Variants in CNTNAP2 observed in about 807,000 individuals in gnomAD.
CNTNAP2 encodes contactin-associated protein-like 2.
CNTNAP2 carries 98 observed loss-of-function variants against 155.2 expected under a neutral mutation model. The ratio of observed to expected loss-of-function variants is 0.63; its 90% CI spans 0.54 to 0.75. CNTNAP2 has a LOEUF of 0.75. Among genes scored for constraint, CNTNAP2 ranks in the 30% least tolerant of loss-of-function variants. CNTNAP2 has a pLI of 0.00. For missense variants in CNTNAP2, 1,727 were observed against 1,688.1 expected (o/e 1.02, Z -0.40); for synonymous variants, 651 against 631.2 (o/e 1.03, Z -0.47).
At chr7:148,174,769 C>G (rs910340751) in intron 18 of CNTNAP2, among the ~76,000 whole-genome samples, 1 of 152,058 alleles carries the variant, frequency 6.6e-6, no homozygotes, top group African/African-American at 2.4e-5. Context: ...GCTTTAAGTT[C>G]TGCGATACAT....
chr7:146,328,668 T>C (rs1395623998), intron 1 of CNTNAP2, among the ~76,000 whole-genome samples: 1 of 152,164 alleles, frequency 6.6e-6, no homozygotes, highest in African/African-American at 2.4e-5. Flanking sequence ...AAGTTTGTAC[T>C]CTTTGACCAG....
At chr7:147,116,502 G>A (rs564776973) in intron 5 of CNTNAP2, among the ~76,000 whole-genome samples, 11 of 152,298 alleles carry the variant, frequency 7.2e-5, no homozygotes, top group Non-Finnish European at 1.2e-4. Flanking sequence ...GGCAGGGGTG[G>A]CCAGAGGCCC....
At chr7:146,718,755 C>T (rs1241551804) in intron 1 of CNTNAP2, among the ~76,000 whole-genome samples, 1 of 152,084 alleles carries the variant, frequency 6.6e-6, no homozygotes, top group Admixed American at 6.6e-5. Flanking sequence ...CCTCTCCCAT[C>T]ACCAAGAAAT....
chr7:147,664,799 A>G (rs1462616309), intron 13 of CNTNAP2, among the ~76,000 whole-genome samples: 2 of 152,122 alleles, frequency 1.3e-5, no homozygotes, highest in East Asian at 3.9e-4. Flanking sequence ...TCCTCTTGCT[A>G]CGTGGCTAGA....
At chr7:146,388,445 ATAT>A (rs1430672467) in intron 1 of CNTNAP2, among the ~76,000 whole-genome samples, 1 of 151,946 alleles carries the variant, frequency 6.6e-6, no homozygotes, top group Non-Finnish European at 1.5e-5. Context: ...TAAAAAAATA[ATAT>A]TTGTGGGTAT....
intron 1 of CNTNAP2, among the ~76,000 whole-genome samples, chr7:146,203,357 C>T (rs967724136): frequency 3.3e-5 from 5 of 152,160 alleles, no homozygotes; most frequent in Non-Finnish European, 7.3e-5. Context: ...CCTTTGGGTT[C>T]AGTTAATTTA....
At chr7:148,371,904 T>C (rs1212966838) in intron 21 of CNTNAP2, among the ~76,000 whole-genome samples, 2 of 151,752 alleles carry the variant, frequency 1.3e-5, no homozygotes, top group African/African-American at 4.8e-5. Flanking sequence ...AAATATGATA[T>C]AAAAGATAAA....
At chr7:147,959,507 G>A (rs1161894720) in intron 14 of CNTNAP2, among the ~76,000 whole-genome samples, 11 of 152,156 alleles carry the variant, frequency 7.2e-5, no homozygotes, top group East Asian at 3.9e-4. Flanking sequence ...GGAAGTGGCC[G>A]TGTTACAGTT....
In CNTNAP2 at chr7:148,230,213, C is replaced by T. The variant is rs1357849125; in HGVS notation, c.3381+434C>T. Among the ~76,000 whole-genome samples the T allele has an allele frequency of 5.3e-5, 8 of 152,210 alleles. No homozygotes were observed. In the East Asian group the frequency reaches 1.2e-3, roughly 22 times the overall value. On this transcript the variant is annotated intron_variant, in intron 20 of 23. Transcript: ENST00000361727. Reference sequence around the variant, plus strand: ...AAGAGCTGTATTTTTCTCTCTCTCTCTGCAGAGCCTTTGTCTTAAAAATCC... The same window carrying T: ...AAGAGCTGTATTTTTCTCTCTCTCTTTGCAGAGCCTTTGTCTTAAAAATCC...
intron 9 of CNTNAP2, among the ~76,000 whole-genome samples, chr7:147,366,777 GCACGCACACA>G (rs1218180866): frequency 4.9e-4 from 28 of 56,926 alleles, no homozygotes; most frequent in Non-Finnish European, 5.2e-4. Context: ...CGAATTTGTT[GCACGCACACA>G]CACACACACA....
At chr7:148,413,401 A>AAAAAAAATATAC (rs1442990213) in intron 23 of CNTNAP2, among the ~76,000 whole-genome samples, 1 of 45,376 alleles carries the variant, frequency 2.2e-5, no homozygotes, top group African/African-American at 1.3e-4. Flanking sequence ...TCAAAAAAAA[A>AAAAAAAATATAC]ATATATATAT....
chr7:148,322,754 T>C (rs1281863199), intron 21 of CNTNAP2, among the ~76,000 whole-genome samples: 1 of 148,816 alleles, frequency 6.7e-6, no homozygotes, highest in Non-Finnish European at 1.5e-5. Context: ...AGCTCTTGCC[T>C]AAATAAGTAG....
intron 8 of CNTNAP2, among the ~76,000 whole-genome samples, chr7:147,254,758 T>C (rs779671229): frequency 2.0e-5 from 3 of 152,200 alleles, no homozygotes; most frequent in Non-Finnish European, 4.4e-5. Flanking sequence ...GGAATGACTT[T>C]AGGCAACAGT....
intron 1 of CNTNAP2, among the ~76,000 whole-genome samples, chr7:146,128,574 A>G (rs1044562510): frequency 3.9e-5 from 6 of 152,176 alleles, no homozygotes; most frequent in African/African-American, 1.2e-4. Context: ...ATAGATAGCC[A>G]ACTAATACCT....
At chr7:148,291,936 G>A (rs561431753) in intron 21 of CNTNAP2, among the ~76,000 whole-genome samples, 32 of 152,156 alleles carry the variant, frequency 2.1e-4, no homozygotes, top group Non-Finnish European at 4.6e-4. Context: ...CAGAAGAAGC[G>A]ATGATTAATT....
At chr7:147,671,059 C>G (rs1795778950) in intron 13 of CNTNAP2, among the ~76,000 whole-genome samples, 2 of 152,236 alleles carry the variant, frequency 1.3e-5, no homozygotes, top group African/African-American at 2.4e-5. Context: ...GCTCCTGCCT[C>G]CACTTACCCG....
At chr7:146,907,444 C>T (rs1194219496) in intron 3 of CNTNAP2, among the ~76,000 whole-genome samples, 11 of 144,596 alleles carry the variant, frequency 7.6e-5, no homozygotes, top group South Asian at 2.4e-4. Flanking sequence ...AGACTAACAG[C>T]GGATCTCTCG....
At chr7:147,052,928 T>C (rs1167951522) in intron 4 of CNTNAP2, among the ~76,000 whole-genome samples, 1 of 152,082 alleles carries the variant, frequency 6.6e-6, no homozygotes, top group African/African-American at 2.4e-5. Context: ...TAACCAGAGA[T>C]GTTCTTGCCA....
chr7:146,820,169 G>T (rs1261080649), intron 2 of CNTNAP2, among the ~76,000 whole-genome samples: 4 of 152,112 alleles, frequency 2.6e-5, no homozygotes, highest in Non-Finnish European at 1.5e-5. Context: ...GGGACCCTAA[G>T]ACTGGTGAGT....
Sources: gnomAD v4.1 joint callset for allele counts (sites outside exome capture counted in the v4.1 genomes callset) on GRCh38, gnomAD v4.1.1 for gene constraint, MANE v1.5 for transcripts, NCBI Gene and HGNC (gene_info 2026-07-23, HGNC 2026-07-21) for gene names.